Variants in NRXN1 observed in about 807,000 individuals in gnomAD.
NRXN1 encodes the protein neurexin 1.
A neutral mutation model predicts 150.9 loss-of-function variants in NRXN1; 39 were observed. That is an observed-to-expected ratio of 0.26 (90% CI 0.20 to 0.34). NRXN1 has a LOEUF of 0.34. NRXN1 is among the 10% of genes least tolerant of loss of function. The pLI, the probability that NRXN1 is intolerant of heterozygous loss-of-function variation, is 1.00. For missense variants in NRXN1, 1,815 were observed against 1,949.9 expected (o/e 0.93, Z 1.30); for synonymous variants, 924 against 757.0 (o/e 1.22, Z -3.62).
intron 5 of NRXN1, among the ~76,000 whole-genome samples, chr2:50,733,787 A>G (rs1392190320): frequency 6.6e-6 from 1 of 152,176 alleles, no homozygotes; most frequent in Non-Finnish European, 1.5e-5. Context: ...AGTTTACTCA[A>G]TGGTTTATAA....
At chr2:50,775,284 G>A (rs997327388) in intron 5 of NRXN1, among the ~76,000 whole-genome samples, 1 of 151,990 alleles carries the variant, frequency 6.6e-6, no homozygotes, top group African/African-American at 2.4e-5. Flanking sequence ...GGTATCCTGT[G>A]GGGCCTAAGA....
chr2:50,842,724 T>TGTTCATGGGATGA (rs1205019964), intron 5 of NRXN1, among the ~76,000 whole-genome samples: 1 of 152,160 alleles, frequency 6.6e-6, no homozygotes, highest in East Asian at 1.9e-4. Context: ...GACCTCTACA[T>TGTTCATGGGATGA]GTTCATGGGA....
chr2:49,971,815 T>C (rs1678007525), intron 21 of NRXN1, among the ~76,000 whole-genome samples: 1 of 152,092 alleles, frequency 6.6e-6, no homozygotes, highest in Admixed American at 6.6e-5. Context: ...ATGATCTGAG[T>C]ATATTATCCT....
chr2:50,671,980 CTTTTAAATAAACT>C (rs1415032551), intron 5 of NRXN1, among the ~76,000 whole-genome samples: 1 of 151,724 alleles, frequency 6.6e-6, no homozygotes, highest in African/African-American at 2.4e-5. Context: ...TAGTTTTCAA[CTTTTAAATAAACT>C]TTTTAAATAT....
At chr2:50,225,140 A>G (rs1310784045) in intron 18 of NRXN1, among the ~76,000 whole-genome samples, 3 of 152,116 alleles carry the variant, frequency 2.0e-5, no homozygotes, top group Non-Finnish European at 1.5e-5. Context: ...CCAGGAGAAC[A>G]TCACGTGCTT....
intron 5 of NRXN1, among the ~76,000 whole-genome samples, chr2:50,672,714 T>C (rs1689034058): frequency 6.6e-6 from 1 of 152,084 alleles, no homozygotes; most frequent in Non-Finnish European, 1.5e-5. Context: ...CTGTTATAGA[T>C]AAAATATTAT....
intron 8 of NRXN1, among the ~76,000 whole-genome samples, chr2:50,566,643 C>T (rs2351765): frequency 5.3e-5 from 8 of 151,876 alleles, no homozygotes; most frequent in Non-Finnish European, 8.8e-5. Flanking sequence ...CAAACTTCTA[C>T]GTCTCATGAC....
intron 17 of NRXN1, among the ~76,000 whole-genome samples, chr2:50,261,955 G>A (rs1217072720): frequency 6.6e-5 from 10 of 151,842 alleles, no homozygotes; most frequent in Non-Finnish European, 1.3e-4. Flanking sequence ...AAATAAAGGA[G>A]TTTTTCCAGG....
chr2:50,252,431 G>C (rs1255621962), intron 17 of NRXN1, among the ~76,000 whole-genome samples: 1 of 151,156 alleles, frequency 6.6e-6, no homozygotes, highest in African/African-American at 2.4e-5. Flanking sequence ...GCTAATTTTT[G>C]TACTTTTAGT....
intron 18 of NRXN1, among the ~76,000 whole-genome samples, chr2:50,194,804 G>A (rs991326146): frequency 2.0e-5 from 3 of 152,162 alleles, no homozygotes; most frequent in Admixed American, 2.0e-4. Flanking sequence ...GAACATGCAT[G>A]AACTGGTCTA....
intron 2 of NRXN1, among the ~76,000 whole-genome samples, chr2:50,998,149 C>A (rs1386104764): frequency 1.4e-5 from 2 of 141,340 alleles, no homozygotes; most frequent in Non-Finnish European, 3.0e-5. Context: ...TTATTTAATC[C>A]TGGCCATTAA....
chr2:50,883,418 C>A (rs563072894), intron 5 of NRXN1, among the ~76,000 whole-genome samples: 2 of 143,986 alleles, frequency 1.4e-5, no homozygotes, highest in Admixed American at 7.3e-5. Flanking sequence ...TCAACATTTA[C>A]ATCTTTTTTT....
chr2:50,689,854 T>TTGTGTGTGTGTGTGTG (rs796892350), intron 5 of NRXN1, among the ~76,000 whole-genome samples: 1 of 135,290 alleles, frequency 7.4e-6, no homozygotes, highest in Non-Finnish European at 1.6e-5. Context: ...TTTTGCTTAT[T>TTGTGTGTGTGTGTGTG]TGTGTGTGTG....
At chr2:49,972,425 A>G (rs146428038) in intron 21 of NRXN1, among the ~76,000 whole-genome samples, 1 of 152,358 alleles carries the variant, frequency 6.6e-6, no homozygotes, top group Non-Finnish European at 1.5e-5. Context: ...GGAAAATAAT[A>G]GTAGATTAGT....
intron 19 of NRXN1, among the ~76,000 whole-genome samples, chr2:50,058,525 G>A (rs1354272932): frequency 6.7e-6 from 1 of 148,624 alleles, no homozygotes; most frequent in Admixed American, 7.1e-5. Context: ...TAAATTCTTT[G>A]TTCTCCTACT....
intron 21 of NRXN1, among the ~76,000 whole-genome samples, chr2:50,042,572 A>G (rs1347777833): frequency 6.6e-6 from 1 of 152,206 alleles, no homozygotes; most frequent in African/African-American, 2.4e-5. Flanking sequence ...ACAAGGACTG[A>G]GCAATACACA....
chr2:50,696,935 C>T (rs1023351057), intron 5 of NRXN1, among the ~76,000 whole-genome samples: 28 of 152,102 alleles, frequency 1.8e-4, no homozygotes, highest in Admixed American at 1.2e-3. Flanking sequence ...TAAACAGAAA[C>T]CAGTGGCATT....
chr2:50,651,203 T>C (rs1472001736), intron 5 of NRXN1, among the ~76,000 whole-genome samples: 1 of 152,060 alleles, frequency 6.6e-6, no homozygotes, highest in Non-Finnish European at 1.5e-5. Flanking sequence ...ATGAGTGATC[T>C]ACATGTCATA....
intron 5 of NRXN1, among the ~76,000 whole-genome samples, chr2:50,639,222 C>CTTTTTTTTT (rs34380621): frequency 7.3e-6 from 1 of 137,360 alleles, no homozygotes; most frequent in Non-Finnish European, 1.5e-5. Context: ...TTCTTTCTTT[C>CTTTTTTTTT]TTTTTTTTTT....
Sources: allele counts gnomAD v4.1 joint callset (sites outside exome capture counted in the v4.1 genomes callset), GRCh38; gene constraint gnomAD v4.1.1; transcripts MANE v1.5; gene names NCBI Gene and HGNC (gene_info 2026-07-23, HGNC 2026-07-21).